The following ADAMTSL3 variants were observed in gnomAD, a reference collection of about 807,000 sequenced individuals.
ADAMTSL3 encodes ADAMTS-like protein 3.
Under a neutral mutation model 201.7 loss-of-function variants are expected in ADAMTSL3, and 128 were observed. That is an observed-to-expected ratio of 0.63 (90% CI 0.55 to 0.73). The LOEUF is 0.73. Among genes scored for constraint, ADAMTSL3 ranks in the 30% least tolerant of loss-of-function variants. The probability of loss-of-function intolerance (pLI) is 0.00; values close to 1 mark genes in which losing one functional copy is unlikely to be tolerated. For synonymous variants in ADAMTSL3, 738 were observed against 748.4 expected, an observed-to-expected ratio of 0.99 and a Z score of 0.23; for missense variants, 1,990 against 2,119.6, an observed-to-expected ratio of 0.94 and a Z score of 1.20.
At chr15:83,697,808 C>T (rs1276967589) in intron 2 of ADAMTSL3, among the ~76,000 whole-genome samples, 2 of 152,114 alleles carry the variant, frequency 1.3e-5, no homozygotes, top group Non-Finnish European at 1.5e-5. Flanking sequence ...CCATTAGTAT[C>T]AGCTCAACTT....
At chr15:83,840,480 G>A (rs916740962) in intron 7 of ADAMTSL3, among the ~76,000 whole-genome samples, 4 of 152,182 alleles carry the variant, frequency 2.6e-5, no homozygotes, top group South Asian at 2.1e-4. Flanking sequence ...GACCAACACC[G>A]TGTCAACAAC....
At chr15:83,959,276 A>G (rs997207768) in intron 19 of ADAMTSL3, among the ~76,000 whole-genome samples, 3 of 152,142 alleles carry the variant, frequency 2.0e-5, no homozygotes, top group African/African-American at 4.8e-5. Context: ...AAAATATACA[A>G]AAATTAGCTG....
chr15:83,808,945 T>G (rs193086101), intron 5 of ADAMTSL3, among the ~76,000 whole-genome samples: 414 of 151,584 alleles, frequency 2.7e-3, no homozygotes, highest in African/African-American at 9.2e-3. Flanking sequence ...CTTGATATCT[T>G]AAAAGTAGGC....
chr15:83,884,141 C>T (rs955012347), intron 9 of ADAMTSL3, among the ~76,000 whole-genome samples: 15 of 151,842 alleles, frequency 9.9e-5, no homozygotes, highest in African/African-American at 3.4e-4. Context: ...GATCTACCCA[C>T]CTCAGCCTCC....
chr15:83,833,543 T>C (rs1412222242), intron 6 of ADAMTSL3, among the ~76,000 whole-genome samples: 1 of 152,188 alleles, frequency 6.6e-6, no homozygotes, highest in African/African-American at 2.4e-5. Context: ...CTATAGCACA[T>C]AGCTAGGAAG....
At chr15:83,822,524 G>A (rs1365905195) in intron 6 of ADAMTSL3, among the ~76,000 whole-genome samples, 3 of 143,720 alleles carry the variant, frequency 2.1e-5, no homozygotes, top group Non-Finnish European at 3.0e-5. Flanking sequence ...ACGGGGTTGC[G>A]GCCGGGTAGA....
chr15:83,766,510 C>G (rs574852937), intron 3 of ADAMTSL3, among the ~76,000 whole-genome samples: 5 of 152,082 alleles, frequency 3.3e-5, no homozygotes, highest in Non-Finnish European at 7.3e-5. Flanking sequence ...ATAGAGATAT[C>G]GAAAGAATGT....
intron 20 of ADAMTSL3, among the ~76,000 whole-genome samples, chr15:83,972,625 T>C (rs1269033711): frequency 6.6e-6 from 1 of 152,128 alleles, no homozygotes; most frequent in Non-Finnish European, 1.5e-5. Flanking sequence ...AAATTACAAG[T>C]TGTAGGGAGA....
At chr15:83,714,777 TTC>T (rs1287044908) in intron 3 of ADAMTSL3, among the ~76,000 whole-genome samples, 7 of 115,376 alleles carry the variant, frequency 6.1e-5, no homozygotes, top group African/African-American at 8.9e-5. Context: ...CTTTCTTTCT[TTC>T]TTTCTTTTTC....
intron 25 of ADAMTSL3, 93 bp downstream of exon 25, chr15:84,016,592 C>A (rs2068091110): frequency 9.2e-7 from 1 of 1,082,916 alleles, no homozygotes; most frequent in Non-Finnish European, 1.4e-6. Context: ...TTTCACTTTG[C>A]AATATGTAAA....
chr15:83,760,195 C>A (rs2062785652), intron 3 of ADAMTSL3, among the ~76,000 whole-genome samples: 1 of 152,134 alleles, frequency 6.6e-6, no homozygotes, highest in African/African-American at 2.4e-5. Flanking sequence ...AGATCCCCTT[C>A]CAAGCATAGC....
rs539980334 is a variant in ADAMTSL3 at position 83,959,152 on chromosome 15, G to A, written c.2491-11332G>A. Among the ~76,000 whole-genome samples, 10 of 152,322 alleles carry A rather than the reference G, an allele frequency of 6.6e-5. 1 individual carries two copies. Among genetic ancestry groups the A allele is most frequent in the Admixed American group, 2.0e-4 (3 of 15,298 alleles). On this transcript the variant is annotated intron_variant, in intron 19 of 29. Coordinates refer to ENST00000286744, the MANE Select transcript of ADAMTSL3 (RefSeq NM_207517.3). The stretch of plus-strand genomic sequence containing the variant: ...AATATCAAGACATACTCAGCTGGGT[G>A]CAGTGGCTCAAGCCTGTAATCCCAA...
At chr15:83,748,627 G>A (rs1196235049) in intron 3 of ADAMTSL3, among the ~76,000 whole-genome samples, 22 of 133,604 alleles carry the variant, frequency 1.6e-4, no homozygotes, top group Admixed American at 1.6e-3. Context: ...AACAGCCTGG[G>A]TGACAGAGCA....
chr15:84,034,155 A>G (rs1359976920), intron 28 of ADAMTSL3, among the ~76,000 whole-genome samples: 1 of 152,140 alleles, frequency 6.6e-6, no homozygotes, highest in African/African-American at 2.4e-5. Context: ...GTTAGTATAG[A>G]GAGCTGTCGA....
intron 3 of ADAMTSL3, among the ~76,000 whole-genome samples, chr15:83,756,915 T>A (rs2062730604): frequency 6.6e-6 from 1 of 152,126 alleles, no homozygotes; most frequent in African/African-American, 2.4e-5. Context: ...TCCAAAATGA[T>A]CTCCTTTGAC....
chr15:83,745,153 A>G (rs923724371), intron 3 of ADAMTSL3, among the ~76,000 whole-genome samples: 1 of 151,902 alleles, frequency 6.6e-6, no homozygotes, highest in Non-Finnish European at 1.5e-5. Flanking sequence ...CGGCTTGACA[A>G]CGTTGCTTCA....
Position 83,943,035 on chromosome 15 carries a change from G to T in ADAMTSL3, c.2443G>T (p.Ala815Ser), listed in dbSNP as rs2066593236. The change falls in exon 19 of 30, where the codon GCC (alanine) becomes TCC (serine). Residue 815 changes from alanine to serine, a missense_variant. Coordinates refer to ENST00000286744, the MANE Select transcript of ADAMTSL3 (RefSeq NM_207517.3). ...CAAGGCATCGTCTCACAAGTCCTGT[G>T]CCAGGACAGACTGTCCTCCACATTT... is the stretch of plus-strand genomic sequence containing the variant. ...GPKASSHKSCARTDCPPHLAV... is the reference protein window; with the variant it reads ...GPKASSHKSCSRTDCPPHLAV... 1 of 1,614,012 alleles carries T rather than the reference G, an allele frequency of 6.2e-7. No individual in the cohort carries two copies. The highest frequency in any genetic ancestry group is 8.5e-7 in the Non-Finnish European group (1 of 1,179,932).
rs766992070 is a variant in ADAMTSL3 at position 83,983,266 on chromosome 15, T to C, written c.3638T>C (p.Ile1213Thr). 1.2e-6 allele frequency: 2 copies of C among 1,611,514 alleles called. No homozygotes were observed. Among genetic ancestry groups the C allele is most frequent in the East Asian group, 4.5e-5 (2 of 44,876 alleles). The change falls in exon 21 of 30, where the codon ATA becomes ACA. Residue 1213 changes from isoleucine (I) to threonine (T), a missense_variant. By Grantham distance (89) the Ile-to-Thr change is moderately conservative. Coordinates refer to ENST00000286744, the MANE Select transcript of ADAMTSL3 (RefSeq NM_207517.3). ...YITKRTEVIN[I>T]LCDLITPSEA... is the part of the protein sequence containing the mutation. Reference sequence around the variant, plus strand: ...ACAAAAAGGACAGAGGTCATCAATATACTGTGTGACCTTATTACCCCCAGT... The same window carrying C: ...ACAAAAAGGACAGAGGTCATCAATACACTGTGTGACCTTATTACCCCCAGT...
At chr15:83,880,058 C>CT (rs1394307826) in intron 9 of ADAMTSL3, among the ~76,000 whole-genome samples, 2 of 152,008 alleles carry the variant, frequency 1.3e-5, no homozygotes, top group Non-Finnish European at 2.9e-5. Flanking sequence ...TCTTCATCTG[C>CT]TTTTAAGTGT....
Sources: allele counts gnomAD v4.1 joint callset (sites outside exome capture counted in the v4.1 genomes callset), GRCh38; gene constraint gnomAD v4.1.1; transcripts MANE v1.5; gene names NCBI Gene and HGNC (gene_info 2026-07-23, HGNC 2026-07-21).